GPC6: variants seen among roughly 807,000 people sequenced by gnomAD.
GPC6 encodes the protein glypican-6.
In GPC6, 14 loss-of-function variants were observed where a neutral mutation model predicts 55.2. That is an observed-to-expected ratio of 0.25 (90% confidence interval 0.17 to 0.40). The LOEUF is 0.40. Ranked by LOEUF, GPC6 falls within the 10% of genes least tolerant of loss-of-function variation. The probability of loss-of-function intolerance (pLI) is 1.00; values close to 1 mark genes in which losing one functional copy is unlikely to be tolerated. For missense variants in GPC6, 641 were observed against 708.5 expected (o/e 0.90, Z 1.08); for synonymous variants, 278 against 259.6 (o/e 1.07, Z -0.68).
intron 3 of GPC6, among the ~76,000 whole-genome samples, chr13:93,979,642 G>A (rs1175626387): frequency 6.6e-6 from 1 of 152,040 alleles, no homozygotes; most frequent in African/African-American, 2.4e-5. Flanking sequence ...TGGAGTCAGT[G>A]AACTCAACGC....
intron 2 of GPC6, among the ~76,000 whole-genome samples, chr13:93,566,307 A>G (rs960246365): frequency 6.6e-6 from 1 of 152,242 alleles, no homozygotes; most frequent in Non-Finnish European, 1.5e-5. Context: ...AACATGTGCT[A>G]ATGAAACACA....
At chr13:93,606,060 C>G in intron 2 of GPC6, among the ~76,000 whole-genome samples, 1 of 151,938 alleles carries the variant, frequency 6.6e-6, no homozygotes, top group Admixed American at 6.6e-5. Flanking sequence ...ATATAAGCAC[C>G]CAGTAAATAT....
intron 3 of GPC6, among the ~76,000 whole-genome samples, chr13:93,890,397 C>G (rs1875599756): frequency 6.6e-6 from 1 of 152,018 alleles, no homozygotes; most frequent in African/African-American, 2.4e-5. Context: ...CTTTATATAC[C>G]TTCAATTACT....
At chr13:93,889,324 T>C (rs1875528911) in intron 3 of GPC6, among the ~76,000 whole-genome samples, 1 of 152,142 alleles carries the variant, frequency 6.6e-6, no homozygotes, top group Non-Finnish European at 1.5e-5. Context: ...ACGATTTTAA[T>C]GTATAACCTC....
intron 4 of GPC6, among the ~76,000 whole-genome samples, chr13:94,253,752 G>A (rs1891426473): frequency 1.3e-5 from 2 of 152,096 alleles, no homozygotes; most frequent in Admixed American, 6.6e-5. Flanking sequence ...CTAGATCAGG[G>A]CTTGTGATGA....
intron 6 of GPC6, among the ~76,000 whole-genome samples, chr13:94,360,747 G>A (rs1179111612): frequency 6.6e-6 from 1 of 152,112 alleles, no homozygotes; most frequent in East Asian, 1.9e-4. Flanking sequence ...TTTGAAATGA[G>A]TGAGACCTAC....
At chr13:93,580,238 T>C (rs2139487254) in intron 2 of GPC6, among the ~76,000 whole-genome samples, 1 of 152,282 alleles carries the variant, frequency 6.6e-6, no homozygotes, top group South Asian at 2.1e-4. Context: ...TGGGGTCTCT[T>C]TTATGAGGGT....
chr13:93,631,950 A>G (rs114484471), intron 2 of GPC6, among the ~76,000 whole-genome samples: 1 of 152,190 alleles, frequency 6.6e-6, no homozygotes, highest in African/African-American at 2.4e-5. Flanking sequence ...CTATCATGTT[A>G]TACCTCCTTG....
At chr13:93,756,710 A>C (rs1884782274) in intron 2 of GPC6, among the ~76,000 whole-genome samples, 1 of 152,094 alleles carries the variant, frequency 6.6e-6, no homozygotes, top group Non-Finnish European at 1.5e-5. Flanking sequence ...TAAGAGATGA[A>C]GCCCTAAGAA....
intron 1 of GPC6, among the ~76,000 whole-genome samples, chr13:93,263,301 C>T (rs1395802388): frequency 6.6e-6 from 1 of 152,082 alleles, no homozygotes; most frequent in Non-Finnish European, 1.5e-5. Flanking sequence ...TTTTGCTAGT[C>T]ATGTGAAATT....
rs1256948195 is a variant in GPC6, at chr13:93,717,179, T to A, written c.320-112975T>A. ...ACACACAGTGTAACAAAAAGTTGAA[T>A]GCTTAAGACCAGAAAAAAAAATCTA... On this transcript the variant is annotated intron_variant, in intron 2 of 8. Transcript: ENST00000377047. 5.3e-5 allele frequency among the ~76,000 whole-genome samples: 8 copies of A among 151,648 alleles called. No homozygotes were observed. The East Asian group carries it at 1.6e-3, about 29-fold the overall frequency.
In GPC6 at chr13:93,375,886, C is replaced by T. The variant is rs527526456; in HGVS notation, c.160+148270C>T. Among the ~76,000 whole-genome samples the T allele has an allele frequency of 9.2e-5, 14 of 152,216 alleles. No homozygotes were observed. In the South Asian group the frequency reaches 1.5e-3, roughly 16 times the overall value. On this transcript the variant is annotated intron_variant, in intron 1 of 8. Coordinates refer to ENST00000377047, the MANE Select transcript of GPC6 (RefSeq NM_005708.5). ...CCTAAAGCAAGAGGAAAATATATAA[C>T]GGAGGAACCTCAGGATCTTTTCTGT...
intron 3 of GPC6, among the ~76,000 whole-genome samples, chr13:93,838,045 C>A (rs1887807275): frequency 6.6e-6 from 1 of 152,176 alleles, no homozygotes; most frequent in South Asian, 2.1e-4. Context: ...TTTTGTTTGT[C>A]TATTCTGCCT....
rs1443955821 is a variant in GPC6 at position 93,789,616 on chromosome 13, T to TAATACTAC, written c.320-40537_320-40536insATACTACA. Among the ~76,000 whole-genome samples the TAATACTAC allele has an allele frequency of 9.7e-5, 3 of 31,044 alleles. 1 individual carries two copies. Among genetic ancestry groups the TAATACTAC allele is most frequent in the African/African-American group, 2.6e-4 (3 of 11,536 alleles). The allele number at this position is 31,044 out of a possible 152,430, so 20.4% of individuals were successfully genotyped here. A position where few individuals can be genotyped will look rare whatever the true frequency, so the allele number is the denominator to read the frequency against. ...AATACTACATATATATATATATATA[T>TAATACTAC]ATATATATATATATATATATATATA... On this transcript the variant is annotated intron_variant, in intron 2 of 8. Coordinates refer to ENST00000377047, the MANE Select transcript of GPC6 (RefSeq NM_005708.5).
chr13:93,471,676 T>A (rs574908796), intron 1 of GPC6, among the ~76,000 whole-genome samples: 1 of 144,072 alleles, frequency 6.9e-6, no homozygotes, highest in Non-Finnish European at 1.5e-5. Context: ...TTTCAAGTGT[T>A]TAATGGGAAT....
intron 2 of GPC6, among the ~76,000 whole-genome samples, chr13:93,793,100 A>G (rs1394096057): frequency 6.6e-6 from 1 of 152,176 alleles, no homozygotes; most frequent in Non-Finnish European, 1.5e-5. Flanking sequence ...TATGATAGAC[A>G]TTTTCTAGGT....
chr13:93,654,981 C>T (rs993320019), intron 2 of GPC6, among the ~76,000 whole-genome samples: 2 of 150,188 alleles, frequency 1.3e-5, no homozygotes, highest in Non-Finnish European at 3.0e-5. Context: ...GGACTACAGG[C>T]GCCCACTACC....
At chr13:93,750,565 A>G (rs1884543511) in intron 2 of GPC6, among the ~76,000 whole-genome samples, 1 of 152,186 alleles carries the variant, frequency 6.6e-6, no homozygotes, top group Non-Finnish European at 1.5e-5. Flanking sequence ...ATAGAGATAG[A>G]TTCAGTGTAA....
intron 1 of GPC6, among the ~76,000 whole-genome samples, chr13:93,373,924 C>A (rs1447322073): frequency 6.6e-6 from 1 of 152,072 alleles, no homozygotes; most frequent in African/African-American, 2.4e-5. Context: ...TAGTACTTTG[C>A]AGTTACATTA....
Sources: gnomAD v4.1 joint callset for allele counts (sites outside exome capture counted in the v4.1 genomes callset) on GRCh38, gnomAD v4.1.1 for gene constraint, MANE v1.5 for transcripts, NCBI Gene and HGNC (gene_info 2026-07-23, HGNC 2026-07-21) for gene names.